ECHDC1: variants seen among roughly 807,000 people sequenced by gnomAD.
ECHDC1 encodes the protein ethylmalonyl-CoA decarboxylase 1.
A neutral mutation model predicts 29.7 loss-of-function variants in ECHDC1; 29 were observed. The ratio of observed to expected loss-of-function variants is 0.98; its 90% CI spans 0.73 to 1.33. The LOEUF is 1.33. Among genes scored for constraint, ECHDC1 ranks in the 40% most tolerant of loss-of-function variants. The pLI, the probability that ECHDC1 is intolerant of heterozygous loss-of-function variation, is 0.00. For synonymous variants in ECHDC1, 126 were observed against 123.1 expected (o/e 1.02, Z -0.15); for missense variants, 328 against 350.0 (o/e 0.94, Z 0.50).
At chr6:127,326,529 C>A (rs1244719100) in intron 3 of ECHDC1, 1 of 454,962 alleles carries the variant, frequency 2.2e-6, no homozygotes, top group Non-Finnish European at 4.6e-6. Context: ...AAAGGGGAAA[C>A]TGGATGCAGG....
chr6:127,329,071 A>C (rs1362285855), intron 2 of ECHDC1, among the ~76,000 whole-genome samples: 3 of 151,966 alleles, frequency 2.0e-5, no homozygotes, highest in Non-Finnish European at 4.4e-5. Flanking sequence ...AATAAAAAAA[A>C]CAATGTTGGC....
At position 127,330,833 on chromosome 6, in the gene ECHDC1, G is replaced by A. The variant is rs1484270986; in HGVS notation, c.196C>T (p.Pro66Ser). 2 of 1,613,662 alleles carry A rather than the reference G, an allele frequency of 1.2e-6. No homozygotes were observed. The highest frequency in any genetic ancestry group is 1.7e-6 in the Non-Finnish European group (2 of 1,179,826). The part of the protein sequence containing the change: ...NGIGILTLNN[P>S]SRMNAFSGVM... Reference sequence around the variant, plus strand: ...CCTGAAAAGGCATTCATTCTACTTGGATTGTTCAGAGTAAGAATGCCAATG... The same window carrying A: ...CCTGAAAAGGCATTCATTCTACTTGAATTGTTCAGAGTAAGAATGCCAATG... Residue 66 changes from proline to serine, a missense_variant, in exon 2 of 6, where the codon CCA (proline) becomes TCA (serine). Physicochemically the swap from Pro to Ser is moderately conservative, Grantham distance 74 (BLOSUM62 -1). Transcript: ENST00000454859.
In ECHDC1 at chr6:127,290,023, G is replaced by C; in HGVS notation, c.752C>G (p.Pro251Arg). The C allele has an allele frequency of 6.2e-7, 1 of 1,613,556 alleles. No homozygotes were observed. The highest frequency in any genetic ancestry group is 8.5e-7 in the Non-Finnish European group (1 of 1,179,736). The change falls in exon 6 of 6, where the codon CCG (proline) becomes CGG (arginine). Residue 251 changes from proline (P) to arginine (R), a missense_variant. Transcript: ENST00000454859. ...TTTTTTCAAAGCTCTAATTACTTCC[G>C]GTGGCCCTTGGATGAATTGCTTTAG... ...EWLKQFIQGP[P>R]EVIRALKKSV...
intron 5 of ECHDC1, among the ~76,000 whole-genome samples, chr6:127,312,607 T>C (rs936340734): frequency 6.6e-5 from 10 of 152,182 alleles, no homozygotes; most frequent in African/African-American, 2.2e-4. Flanking sequence ...TATGACAACA[T>C]ATGCCCACAC....
intron 1 of ECHDC1, 25 bp downstream of exon 1, chr6:127,343,311 A>G (rs1219438036): frequency 6.6e-6 from 1 of 152,304 alleles, no homozygotes; most frequent in Non-Finnish European, 1.5e-5. Flanking sequence ...CTGAAGCGCT[A>G]AGACCAACCC....
intron 5 of ECHDC1, among the ~76,000 whole-genome samples, chr6:127,296,621 T>A (rs1780619021): frequency 6.6e-6 from 1 of 152,132 alleles, no homozygotes; most frequent in African/African-American, 2.4e-5. Context: ...AAAAAACAAA[T>A]ATCCTGTTGA....
intron 1 of ECHDC1, among the ~76,000 whole-genome samples, chr6:127,341,902 T>C (rs1307603697): frequency 6.6e-6 from 1 of 152,238 alleles, no homozygotes; most frequent in Non-Finnish European, 1.5e-5. Flanking sequence ...TATCGCCTGT[T>C]TGTAAAAGTT....
chr6:127,339,963 G>A lies in ECHDC1; in HGVS notation c.-3+3373C>T, dbSNP rs1031004104. Among the ~76,000 whole-genome samples, 8 of 152,128 alleles carry A rather than the reference G, an allele frequency of 5.3e-5. No homozygotes were observed. The South Asian group carries it at 1.0e-3, about 20-fold the overall frequency. ...CACACCTTCTCCATCACTCCTAGCT[G>A]AGGAATCTCTGCTCCTCTTCAGAAA... is the stretch of plus-strand genomic sequence containing the variant. On this transcript the variant is annotated intron_variant, in intron 1 of 5. Transcript: ENST00000454859.
intron 1 of ECHDC1, chr6:127,342,424 C>T: frequency 6.5e-7 from 1 of 1,530,214 alleles, no homozygotes; most frequent in Non-Finnish European, 8.8e-7. Context: ...TGCAGGAATC[C>T]CAGCTGATTA....
At chr6:127,291,098 T>C (rs1684584538) in intron 5 of ECHDC1, among the ~76,000 whole-genome samples, 1 of 151,860 alleles carries the variant, frequency 6.6e-6, no homozygotes, top group South Asian at 2.1e-4. Flanking sequence ...AACTGGAACA[T>C]GGGGGATAAA....
chr6:127,327,036 T>A lies in ECHDC1; in HGVS notation c.329A>T (p.Asp110Val). ...GAKNTFSSGS[D>V]LNAVKSLGTP... ...TCCTAGTGATTTCACAGCATTCAGA[T>A]CAGATCCTGAAGAGAAAGTATTTTT... is the stretch of plus-strand genomic sequence containing the variant. Residue 110 changes from aspartate to valine, a missense_variant, in exon 3 of 6, where the codon GAT becomes GTT. Physicochemically the swap from Asp to Val is radical, Grantham distance 152. Transcript: ENST00000454859. 3 of 1,614,044 alleles carry A rather than the reference T, an allele frequency of 1.9e-6. No individual in the cohort carries two copies. Among genetic ancestry groups the A allele is most frequent in the Non-Finnish European group, 1.7e-6 (2 of 1,179,994 alleles).
chr6:127,316,858 G>A (rs779562734), intron 3 of ECHDC1, among the ~76,000 whole-genome samples: 45 of 151,704 alleles, frequency 3.0e-4, no homozygotes, highest in Non-Finnish European at 5.6e-4. Context: ...AGAGAAGAAG[G>A]GAAAGAAGGG....
chr6:127,315,970 T>C (rs1208398909), intron 4 of ECHDC1: 1 of 470,804 alleles, frequency 2.1e-6, no homozygotes, highest in South Asian at 1.5e-5. Flanking sequence ...TCTTTGCTTC[T>C]TTACCTAGGT....
intron 5 of ECHDC1, among the ~76,000 whole-genome samples, chr6:127,310,091 G>A (rs916892691): frequency 6.6e-5 from 10 of 152,090 alleles, no homozygotes; most frequent in Admixed American, 2.0e-4. Flanking sequence ...GTCTGGGAAA[G>A]GTAGTGTGGA....
At chr6:127,309,938 C>G (rs185269764) in intron 5 of ECHDC1, among the ~76,000 whole-genome samples, 30 of 152,200 alleles carry the variant, frequency 2.0e-4, no homozygotes, top group African/African-American at 7.2e-4. Flanking sequence ...GAAGTCTGCC[C>G]CCATGATTCA....
intron 5 of ECHDC1, among the ~76,000 whole-genome samples, chr6:127,314,127 T>C (rs759096760): frequency 5.3e-5 from 8 of 152,208 alleles, no homozygotes; most frequent in Admixed American, 5.2e-4. Context: ...TATGTGAACC[T>C]GTACAGATAA....
chr6:127,342,314 A>G, intron 1 of ECHDC1: 1 of 1,531,808 alleles, frequency 6.5e-7, no homozygotes, highest in Non-Finnish European at 8.8e-7. Flanking sequence ...CTGGCCACAA[A>G]TCAACTCTCC....
intron 5 of ECHDC1, among the ~76,000 whole-genome samples, chr6:127,303,748 T>C (rs1781234950): frequency 6.6e-6 from 1 of 152,206 alleles, no homozygotes; most frequent in African/African-American, 2.4e-5. Context: ...GTAATATTAA[T>C]GATCATTTGG....
intron 5 of ECHDC1, among the ~76,000 whole-genome samples, chr6:127,314,105 A>C (rs1024137644): frequency 2.0e-5 from 3 of 152,148 alleles, no homozygotes; most frequent in African/African-American, 7.2e-5. Context: ...TTGCATTATA[A>C]AGAGGCTCCA....
Sources: gnomAD v4.1 joint callset for allele counts (sites outside exome capture counted in the v4.1 genomes callset) on GRCh38, gnomAD v4.1.1 for gene constraint, MANE v1.5 for transcripts, NCBI Gene and HGNC (gene_info 2026-07-23, HGNC 2026-07-21) for gene names.